The following SIAE variants were observed in gnomAD, a reference collection of about 807,000 sequenced individuals.
SIAE encodes sialate O-acetylesterase.
A neutral mutation model predicts 52.6 loss-of-function variants in SIAE; 39 were observed. The observed-to-expected ratio is 0.74, with a 90% CI of 0.57 to 0.97. The LOEUF is 0.97. Among genes scored for constraint, SIAE ranks in the 50% least tolerant of loss-of-function variants. The pLI is 0.00. For synonymous variants in SIAE, 233 were observed against 241.4 expected (o/e 0.97, Z 0.32); for missense variants, 592 against 662.1 (o/e 0.89, Z 1.16).
intron 4 of SIAE, among the ~76,000 whole-genome samples, chr11:124,651,340 G>A (rs1264559797): frequency 6.6e-6 from 1 of 152,100 alleles, no homozygotes; most frequent in East Asian, 1.9e-4. Flanking sequence ...GAGGTCAGGA[G>A]TTCGAGACCA....
intron 4 of SIAE, among the ~76,000 whole-genome samples, chr11:124,653,720 G>A (rs1354593777): frequency 6.6e-6 from 1 of 152,238 alleles, no homozygotes; most frequent in Admixed American, 6.5e-5. Context: ...AAAGGAGAAA[G>A]ATGAAGCATC....
chr11:124,656,253 A>G lies in SIAE; in HGVS notation c.406-1460T>C, dbSNP rs199729016. On this transcript the variant is annotated intron_variant, in intron 3 of 9. Transcript: ENST00000263593. ...GTGTATTATTTATTGTTGTATTGCC[A>G]CTTTTAATTTTTATTTTTCAAATAT... 4.6e-5 allele frequency among the ~76,000 whole-genome samples: 7 copies of G among 152,214 alleles called. No homozygotes were observed. The East Asian group carries it at 1.3e-3, about 29-fold the overall frequency.
upstream of SIAE, chr11:124,674,778 A>G (rs1397353413): frequency 1.3e-5 from 2 of 153,874 alleles, no homozygotes; most frequent in Non-Finnish European, 2.9e-5. Context: ...GCAAGGGGAA[A>G]GATTGTGCAA....
intron 4 of SIAE, among the ~76,000 whole-genome samples, chr11:124,651,210 G>A (rs1055744568): frequency 6.6e-6 from 1 of 152,154 alleles, no homozygotes; most frequent in Non-Finnish European, 1.5e-5. Context: ...AAGCAATATA[G>A]AGACACATGG....
intron 3 of SIAE, among the ~76,000 whole-genome samples, chr11:124,655,988 TTG>T (rs1412494975): frequency 6.6e-6 from 1 of 152,196 alleles, no homozygotes; most frequent in East Asian, 1.9e-4. Context: ...CAGACAAATT[TTG>T]TTTCATGCAC....
At position 124,647,553 on chromosome 11, in the gene SIAE, C is replaced by T. The variant is rs1007383518; in HGVS notation, c.833-55G>A. On this transcript the variant is annotated intron_variant, in intron 6 of 9. Transcript: ENST00000263593. ...TTGGAGTAGACTGCAAAAATGACCA[C>T]ACATTACTCTCCTCCCTCCATCCAT... is the stretch of plus-strand genomic sequence containing the variant. The T allele has an allele frequency of 5.4e-5, 87 of 1,600,500 alleles. 1 individual carries two copies. The South Asian group carries it at 9.4e-4, about 17-fold the overall frequency.
chr11:124,648,218 T>C (rs182700677), intron 5 of SIAE, 43 bp from the exon 6 acceptor site: 20 of 1,481,438 alleles, frequency 1.4e-5, no homozygotes, highest in East Asian at 2.3e-5. Flanking sequence ...GAGCCAGTGA[T>C]TGATCACATA....
chr11:124,662,911 G>A (rs1422269502), intron 2 of SIAE, among the ~76,000 whole-genome samples: 4 of 152,160 alleles, frequency 2.6e-5, no homozygotes, highest in South Asian at 2.1e-4. Flanking sequence ...TTGGGAGGCC[G>A]AGGCAGGTGG....
chr11:124,644,708 C>A (rs983651564), intron 7 of SIAE, among the ~76,000 whole-genome samples: 1 of 152,134 alleles, frequency 6.6e-6, no homozygotes, highest in Non-Finnish European at 1.5e-5. Flanking sequence ...ACTGTTCCTC[C>A]AAATCCCTAT....
At position 124,669,347 on chromosome 11, in the gene SIAE, T is replaced by A. The variant is rs1456330603; in HGVS notation, c.229+13A>T. The A allele has an allele frequency of 1.9e-6, 3 of 1,613,978 alleles. No homozygotes were observed. In the African/African-American group the frequency reaches 4.0e-5, roughly 22 times the overall value. The stretch of plus-strand genomic sequence containing the variant: ...AAGAGGGCAATAGCTGAACGGAAGA[T>A]GGGCTGCCTTACCTTTCACACTGGT... On this transcript the variant is annotated intron_variant, in intron 2 of 9. Transcript: ENST00000263593.
chr11:124,673,545 G>C, intron 1 of SIAE, 97 bp downstream of exon 1: 20 of 1,434,474 alleles, frequency 1.4e-5, no homozygotes, highest in Non-Finnish European at 1.9e-5. Flanking sequence ...CGTCGACCTT[G>C]AGAAAGGGGC....
At chr11:124,642,967 T>G (rs1266418642) in intron 7 of SIAE, among the ~76,000 whole-genome samples, 3 of 152,100 alleles carry the variant, frequency 2.0e-5, no homozygotes, top group African/African-American at 7.2e-5. Context: ...GGAGGAGAAC[T>G]CCAAGCCTCA....
chr11:124,648,132 C>T lies in SIAE; in HGVS notation c.766G>A (p.Val256Ile). 4.3e-6 allele frequency: 7 copies of T among 1,614,092 alleles called. No homozygotes were observed. Among genetic ancestry groups the T allele is most frequent in the Non-Finnish European group, 5.1e-6 (6 of 1,179,976 alleles). ...GGATGGATCATGGCATTCCAGAGAA[C>T]AGAGTGCTTACTGGGACCAGTTACA... Reference protein sequence around the residue: ...DSVTGPSKHSVLWNAMIHPLC... With the variant: ...DSVTGPSKHSILWNAMIHPLC... Residue 256 changes from valine (V) to isoleucine (I), a missense_variant, in exon 6 of 10, where the codon GTT (valine) becomes ATT (isoleucine). Coordinates refer to ENST00000263593, the MANE Select transcript of SIAE (RefSeq NM_170601.5).
chr11:124,673,980 G>A (rs1018226333), upstream of SIAE: 5 of 535,024 alleles, frequency 9.3e-6, no homozygotes, highest in Admixed American at 9.4e-5. Context: ...CTTCCTCTCC[G>A]ATACCAAGAC....
intron 2 of SIAE, among the ~76,000 whole-genome samples, chr11:124,668,178 G>A (rs138132223): frequency 0.013 from 2,004 of 152,196 alleles, 25 homozygotes; most frequent in Non-Finnish European, 0.02. Flanking sequence ...CAACCTGCCT[G>A]GCATCTCTCC....
chr11:124,640,678 A>G (rs1439575401), intron 7 of SIAE, among the ~76,000 whole-genome samples: 1 of 152,178 alleles, frequency 6.6e-6, no homozygotes, highest in African/African-American at 2.4e-5. Context: ...CCCTCTTGCC[A>G]TGTGGATTTG....
Position 124,636,897 on chromosome 11 carries a change from G to A in SIAE, c.*54C>T. The A allele has an allele frequency of 6.2e-7, 1 of 1,611,870 alleles. No homozygotes were observed. Among genetic ancestry groups the A allele is most frequent in the South Asian group, 1.1e-5 (1 of 90,884 alleles). On this transcript the variant is annotated 3_prime_UTR_variant, in exon 10 of 10. Transcript: ENST00000263593. ...ATGGTTATTATTGAAACTCCTAAAT[G>A]CTAAAATCTGAAGGACCCATCCTTA...
intron 3 of SIAE, among the ~76,000 whole-genome samples, chr11:124,657,205 G>A (rs1943114744): frequency 6.6e-6 from 1 of 152,156 alleles, no homozygotes; most frequent in African/African-American, 2.4e-5. Context: ...AAATTCCACA[G>A]GAAATCCAGA....
At chr11:124,669,000 C>T (rs923525926) in intron 2 of SIAE, among the ~76,000 whole-genome samples, 3 of 152,146 alleles carry the variant, frequency 2.0e-5, no homozygotes, top group African/African-American at 4.8e-5. Flanking sequence ...GCTCAAATAC[C>T]ATCTTCTGTG....
Sources: allele counts gnomAD v4.1 joint callset (sites outside exome capture counted in the v4.1 genomes callset), GRCh38; gene constraint gnomAD v4.1.1; transcripts MANE v1.5; gene names NCBI Gene and HGNC (gene_info 2026-07-23, HGNC 2026-07-21).